The following RP1 variants were observed in gnomAD, a reference collection of about 807,000 sequenced individuals.
The protein encoded by RP1 is RP1 axonemal microtubule associated, also known as oxygen-regulated protein 1.
In RP1, 16 loss-of-function variants were observed where a neutral mutation model predicts 14.8. The observed-to-expected ratio is 1.08, with a 90% CI of 0.73 to 1.65. The LOEUF (loss-of-function observed/expected upper bound fraction) is 1.65, where lower values mean the gene tolerates loss of function less well. RP1 is among the 40% of genes most tolerant of loss of function. The probability of loss-of-function intolerance (pLI) is 0.00; values close to 1 mark genes in which losing one functional copy is unlikely to be tolerated. For synonymous variants in RP1, 876 were observed against 883.6 expected, an observed-to-expected ratio of 0.99 and a Z score of 0.15; for missense variants, 2,631 against 2,535.0, an observed-to-expected ratio of 1.04 and a Z score of -0.81.
At position 54,625,552 on chromosome 8, in the gene RP1, T is replaced by A. The variant is rs571356141; in HGVS notation, c.1670T>A (p.Met557Lys). Residue 557 changes from methionine (M) to lysine (K), a missense_variant, in exon 4 of 4, where the codon ATG becomes AAG. Physicochemically the swap from Met to Lys is moderately conservative, Grantham distance 95 (BLOSUM62 -1). Transcript: ENST00000220676. ...GTTATAGAAATTACAAGTCAGAAGATGTTAGAGATGTCACATAATAATGGT... is the reference window on the plus strand; with the variant it reads ...GTTATAGAAATTACAAGTCAGAAGAAGTTAGAGATGTCACATAATAATGGT... ...AGVIEITSQKMLEMSHNNGLP... is the reference protein window; with the variant it reads ...AGVIEITSQKKLEMSHNNGLP... 1 of 1,614,104 alleles carries A rather than the reference T, an allele frequency of 6.2e-7. No homozygotes were observed.
intron 16 of RP1, among the ~76,000 whole-genome samples, chr8:54,722,657 C>A (rs1219856305): frequency 1.3e-5 from 2 of 152,050 alleles, no homozygotes; most frequent in African/African-American, 4.8e-5. Context: ...GATAGAGCAG[C>A]CCCCGAAAAA....
intron 6 of RP1, among the ~76,000 whole-genome samples, chr8:54,659,226 G>A (rs1176410004): frequency 6.6e-6 from 1 of 152,048 alleles, no homozygotes; most frequent in Non-Finnish European, 1.5e-5. Context: ...TTTTAAGTTT[G>A]ATGTAGCCCC....
chr8:54,694,238 T>C (rs573522425), intron 12 of RP1, among the ~76,000 whole-genome samples: 1 of 152,300 alleles, frequency 6.6e-6, no homozygotes, highest in African/African-American at 2.4e-5. Context: ...TTATTGAGGA[T>C]TTTTGCATCA....
At chr8:54,823,756 A>T (rs1306641951) in intron 24 of RP1, among the ~76,000 whole-genome samples, 1 of 152,232 alleles carries the variant, frequency 6.6e-6, no homozygotes, top group African/African-American at 2.4e-5. Context: ...TAAAGATGCT[A>T]AAATAAATAT....
At chr8:54,709,245 C>T (rs1367548354) in intron 15 of RP1, among the ~76,000 whole-genome samples, 2 of 152,208 alleles carry the variant, frequency 1.3e-5, no homozygotes, top group Non-Finnish European at 2.9e-5. Flanking sequence ...AAGAACCAGC[C>T]TTGTTGACAG....
chr8:54,860,278 A>C (rs1393488844), intron 27 of RP1, among the ~76,000 whole-genome samples: 1 of 152,092 alleles, frequency 6.6e-6, no homozygotes, highest in East Asian at 1.9e-4. Context: ...TTTTTTAAGG[A>C]AATACTCATT....
chr8:54,648,098 A>G (rs537599106), intron 3 of RP1, among the ~76,000 whole-genome samples: 10 of 152,218 alleles, frequency 6.6e-5, no homozygotes, highest in South Asian at 6.2e-4. Flanking sequence ...TGCCTTGTGA[A>G]GAAGGTACTT....
At chr8:54,722,379 C>T (rs966775243) in intron 16 of RP1, among the ~76,000 whole-genome samples, 2 of 151,590 alleles carry the variant, frequency 1.3e-5, no homozygotes, top group Non-Finnish European at 2.9e-5. Flanking sequence ...CACGCCATTC[C>T]CCTGCCTCAG....
intron 1 of RP1, among the ~76,000 whole-genome samples, chr8:54,605,544 G>A (rs578122313): frequency 3.9e-5 from 6 of 152,112 alleles, no homozygotes; most frequent in South Asian, 2.1e-4. Flanking sequence ...TTCTGCAGAT[G>A]TCTATTAGGT....
chr8:54,734,774 G>T (rs1225768853), intron 18 of RP1: 32 of 1,498,658 alleles, frequency 2.1e-5, no homozygotes, highest in Non-Finnish European at 2.7e-5. Context: ...ATATTTTCCT[G>T]TGAACATTTC....
chr8:54,679,462 A>G (rs1387311244), exon 10 of RP1: 4 of 1,535,946 alleles, frequency 2.6e-6, no homozygotes, highest in Non-Finnish European at 3.5e-6. Context: ...TTGTCAGAGA[A>G]CTGTATGCCA....
rs938636056 is a variant in RP1 at position 54,636,508 on chromosome 8, C to T, written c.788-12477C>T. On this transcript the variant is annotated intron_variant, in intron 3 of 22. Transcript: ENST00000636932. ...ATCCCAGCACTTTGGGAGGCCAAGG[C>T]AGGTGGATCACCTGAGGTCAGGAGT... 5.3e-5 allele frequency among the ~76,000 whole-genome samples: 8 copies of T among 152,176 alleles called. No homozygotes were observed. In the South Asian group the frequency reaches 1.0e-3, roughly 20 times the overall value.
At chr8:54,777,659 AT>A (rs1221830047) in intron 23 of RP1, among the ~76,000 whole-genome samples, 6 of 152,306 alleles carry the variant, frequency 3.9e-5, no homozygotes, top group Admixed American at 6.5e-5. Flanking sequence ...ATTAAAAAAA[AT>A]CTCATGATCC....
chr8:54,725,521 C>T (rs1808632633), intron 16 of RP1, among the ~76,000 whole-genome samples: 1 of 152,168 alleles, frequency 6.6e-6, no homozygotes, highest in Non-Finnish European at 1.5e-5. Context: ...ATAAGTGTCG[C>T]TAATTTCTAC....
At chr8:54,673,580 A>C (rs1454338506) in intron 7 of RP1, among the ~76,000 whole-genome samples, 2 of 152,170 alleles carry the variant, frequency 1.3e-5, no homozygotes, top group Non-Finnish European at 2.9e-5. Context: ...TCTCTACAAA[A>C]AACACAAAAA....
chr8:54,856,372 G>A (rs1812199903), intron 26 of RP1, among the ~76,000 whole-genome samples: 2 of 152,104 alleles, frequency 1.3e-5, no homozygotes, highest in African/African-American at 4.8e-5. Context: ...TGTTGAGTGT[G>A]CATTTGTAAT....
intron 27 of RP1, among the ~76,000 whole-genome samples, chr8:54,864,714 A>G (rs759035395): frequency 2.6e-5 from 4 of 152,182 alleles, no homozygotes. Flanking sequence ...CCCATAGTCA[A>G]TTTATCTATG....
chr8:54,621,677 A>G, intron 2 of RP1, 96 bp downstream of exon 2: 1 of 1,552,074 alleles, frequency 6.4e-7, no homozygotes, highest in Non-Finnish European at 8.8e-7. Context: ...CGGGAAGGAA[A>G]TCTTCCTTCC....
chr8:54,649,237 C>A, intron 4 of RP1: 1 of 1,001,962 alleles, frequency 1.0e-6, no homozygotes, highest in Non-Finnish European at 1.3e-6. Context: ...CCTTTAGTAA[C>A]ACCATGTGCC....
Sources: allele counts gnomAD v4.1 joint callset (sites outside exome capture counted in the v4.1 genomes callset), GRCh38; gene constraint gnomAD v4.1.1; transcripts MANE v1.5; gene names NCBI Gene and HGNC (gene_info 2026-07-23, HGNC 2026-07-21).